Variants in NR3C2 observed in about 807,000 individuals in gnomAD.
NR3C2 encodes the protein mineralocorticoid receptor.
A neutral mutation model predicts 86.4 loss-of-function variants in NR3C2; 15 were observed. The ratio of observed to expected loss-of-function variants is 0.17; its 90% CI spans 0.12 to 0.27. The LOEUF (loss-of-function observed/expected upper bound fraction) is 0.27, where lower values mean the gene tolerates loss of function less well. Among genes scored for constraint, NR3C2 ranks in the 10% least tolerant of loss-of-function variants. The pLI, the probability that NR3C2 is intolerant of heterozygous loss-of-function variation, is 1.00. For synonymous variants in NR3C2, 458 were observed against 450.5 expected (o/e 1.02, Z -0.21); for missense variants, 960 against 1,195.6 (o/e 0.80, Z 2.91).
chr4:148,118,188 T>C (rs1732356706), intron 7 of NR3C2, among the ~76,000 whole-genome samples: 1 of 152,208 alleles, frequency 6.6e-6, no homozygotes, highest in Admixed American at 6.5e-5. Flanking sequence ...TTGTCTCCTC[T>C]GGCACTTTAT....
intron 2 of NR3C2, among the ~76,000 whole-genome samples, chr4:148,409,102 T>C (rs771520480): frequency 1.3e-5 from 2 of 152,146 alleles, no homozygotes; most frequent in Non-Finnish European, 2.9e-5. Context: ...AGTGGAGATA[T>C]TGGGTCAAAA....
intron 2 of NR3C2, among the ~76,000 whole-genome samples, chr4:148,364,590 CA>C (rs1221032420): frequency 1.4e-4 from 22 of 152,030 alleles, no homozygotes; most frequent in African/African-American, 5.3e-4. Flanking sequence ...CTTACAAAGG[CA>C]AAAAACAATT....
chr4:148,357,409 T>C (rs1294654081), intron 2 of NR3C2, among the ~76,000 whole-genome samples: 2 of 152,180 alleles, frequency 1.3e-5, no homozygotes, highest in Non-Finnish European at 2.9e-5. Flanking sequence ...GAGAATCAGA[T>C]TCCTTTACAT....
intron 3 of NR3C2, among the ~76,000 whole-genome samples, chr4:148,234,601 T>G (rs1434835409): frequency 6.6e-6 from 1 of 151,608 alleles, no homozygotes; most frequent in Non-Finnish European, 1.5e-5. Flanking sequence ...GAGAATTGCT[T>G]GAACCCAGGA....
At chr4:148,309,771 G>A (rs1742817879) in intron 2 of NR3C2, among the ~76,000 whole-genome samples, 1 of 152,164 alleles carries the variant, frequency 6.6e-6, no homozygotes, top group South Asian at 2.1e-4. Flanking sequence ...TATGGGGATT[G>A]TCCAAGTTCC....
At chr4:148,143,366 T>A (rs1470556338) in intron 6 of NR3C2, among the ~76,000 whole-genome samples, 1 of 152,170 alleles carries the variant, frequency 6.6e-6, no homozygotes, top group East Asian at 1.9e-4. Flanking sequence ...AGGGATGGGA[T>A]CCAAGCCCTG....
chr4:148,395,633 C>T (rs901824253), intron 2 of NR3C2, among the ~76,000 whole-genome samples: 1 of 152,190 alleles, frequency 6.6e-6, no homozygotes, highest in African/African-American at 2.4e-5. Flanking sequence ...AGCTTATTTG[C>T]TCTCATTGTA....
chr4:148,393,600 G>C (rs1747703058), intron 2 of NR3C2, among the ~76,000 whole-genome samples: 1 of 152,110 alleles, frequency 6.6e-6, no homozygotes, highest in East Asian at 1.9e-4. Context: ...CTTAGCTCCA[G>C]CTCCTCAGGG....
intron 3 of NR3C2, chr4:148,207,963 CTTA>C (rs1281434788): frequency 1.3e-5 from 2 of 152,170 alleles, no homozygotes; most frequent in Non-Finnish European, 2.9e-5. Flanking sequence ...CTCATAATAT[CTTA>C]TTATACTACA....
intron 6 of NR3C2, among the ~76,000 whole-genome samples, chr4:148,143,947 C>CA (rs67177081): frequency 0.6 from 38,750 of 64,274 alleles, 11,600 homozygotes; most frequent in East Asian, 0.75. Flanking sequence ...AACTCTGTCT[C>CA]AAAAAAAAAA....
At chr4:148,313,114 T>G (rs1742983416) in intron 2 of NR3C2, among the ~76,000 whole-genome samples, 1 of 152,134 alleles carries the variant, frequency 6.6e-6, no homozygotes, top group Non-Finnish European at 1.5e-5. Context: ...CTAAATGAGA[T>G]AGAACATGAT....
At chr4:148,422,733 C>T (rs1162798086) in intron 2 of NR3C2, among the ~76,000 whole-genome samples, 1 of 152,146 alleles carries the variant, frequency 6.6e-6, no homozygotes, top group Admixed American at 6.5e-5. Context: ...TGCTTTCCAA[C>T]TCTGCCAAAC....
At position 148,423,560 on chromosome 4, in the gene NR3C2, G is replaced by A. The variant is rs902336901; in HGVS notation, c.1757+11544C>T. Among the ~76,000 whole-genome samples, 15 of 152,116 alleles carry A rather than the reference G, an allele frequency of 9.9e-5. No homozygotes were observed. The South Asian group carries it at 1.9e-3, about 19-fold the overall frequency. ...TCACACAATCAAACACATAATTGGC[G>A]GGGGGAAAAAAGCTGTATACACTCA... On this transcript the variant is annotated intron_variant, in intron 2 of 8. Transcript: ENST00000358102.
intron 4 of NR3C2, among the ~76,000 whole-genome samples, chr4:148,164,937 A>G (rs1734816292): frequency 6.6e-6 from 1 of 152,152 alleles, no homozygotes; most frequent in African/African-American, 2.4e-5. Flanking sequence ...TGGAACCTAC[A>G]GTGGTAGAAA....
intron 1 of NR3C2, among the ~76,000 whole-genome samples, chr4:148,437,135 T>C (rs1750120684): frequency 6.6e-6 from 1 of 152,252 alleles, no homozygotes; most frequent in Middle Eastern, 3.4e-3. Flanking sequence ...GTCTTTAGAG[T>C]CTGCAAAAAA....
chr4:148,277,411 G>T (rs2149892392), intron 2 of NR3C2, among the ~76,000 whole-genome samples: 2 of 152,166 alleles, frequency 1.3e-5, no homozygotes, highest in South Asian at 4.2e-4. Flanking sequence ...CTAGCAAATT[G>T]ATCTACATCA....
chr4:148,434,441 G>T (rs560566853), intron 2 of NR3C2, among the ~76,000 whole-genome samples: 1 of 152,228 alleles, frequency 6.6e-6, no homozygotes, highest in Non-Finnish European at 1.5e-5. Flanking sequence ...ATTCAAAACT[G>T]CAGTGACATA....
At chr4:148,215,417 G>A (rs1181677520) in intron 3 of NR3C2, among the ~76,000 whole-genome samples, 4 of 152,234 alleles carry the variant, frequency 2.6e-5, no homozygotes, top group African/African-American at 4.8e-5. Context: ...AACAGAAGCT[G>A]ATCCGGGCTT....
intron 6 of NR3C2, among the ~76,000 whole-genome samples, chr4:148,124,284 C>G (rs188085202): frequency 6.6e-6 from 1 of 150,728 alleles, no homozygotes; most frequent in East Asian, 1.9e-4. Context: ...TGTCTCACAT[C>G]TTTTGGTCTC....
Sources: allele counts gnomAD v4.1 joint callset (sites outside exome capture counted in the v4.1 genomes callset), GRCh38; gene constraint gnomAD v4.1.1; transcripts MANE v1.5; gene names NCBI Gene and HGNC (gene_info 2026-07-23, HGNC 2026-07-21).